Variants in TMEM231 observed in about 807,000 individuals in gnomAD.
The protein encoded by TMEM231 is transmembrane protein 231.
Under a neutral mutation model 38.5 loss-of-function variants are expected in TMEM231, and 40 were observed. That is an observed-to-expected ratio of 1.04 (90% CI 0.81 to 1.35). The LOEUF (loss-of-function observed/expected upper bound fraction) is 1.35. TMEM231 is among the 40% of genes most tolerant of loss of function. The pLI, the probability that TMEM231 is intolerant of heterozygous loss-of-function variation, is 0.00. For missense variants in TMEM231, 420 were observed against 416.9 expected, an observed-to-expected ratio of 1.01 and a Z score of -0.07; for synonymous variants, 199 against 181.7, an observed-to-expected ratio of 1.10 and a Z score of -0.77.
chr16:75,552,466 A>G (rs899444767), intron 2 of TMEM231, among the ~76,000 whole-genome samples: 1 of 152,150 alleles, frequency 6.6e-6, no homozygotes, highest in African/African-American at 2.4e-5. Flanking sequence ...ACAAACAAAC[A>G]AACAAACAAA....
rs532254815 is a variant in TMEM231, at chr16:75,538,339, C to T, written c.*1655G>A. On this transcript the variant is annotated 3_prime_UTR_variant, in exon 7 of 7. Transcript: ENST00000258173. ...ACATTTTAATTAGAAAGTTACAAAA[C>T]ATCATGGGTTCTTTATACAAGATTT... 6 of 152,256 alleles carry T rather than the reference C, an allele frequency of 3.9e-5. No homozygotes were observed. In the East Asian group the frequency reaches 1.2e-3, roughly 29 times the overall value. 9.4% of individuals were successfully genotyped at this position (152,256 alleles called of 1,614,324 possible).
intron 2 of TMEM231, among the ~76,000 whole-genome samples, chr16:75,554,597 A>G (rs1197207284): frequency 1.3e-5 from 2 of 152,008 alleles, no homozygotes; most frequent in Middle Eastern, 3.4e-3. Flanking sequence ...AAAAAAAGAA[A>G]TGTTGTCCCT....
intron 2 of TMEM231, among the ~76,000 whole-genome samples, chr16:75,551,536 T>C (rs746587093): frequency 6.6e-6 from 1 of 152,256 alleles, no homozygotes; most frequent in Admixed American, 6.5e-5. Flanking sequence ...TTATTTTATA[T>C]ACCACTGATA....
chr16:75,546,135 G>T, intron 2 of TMEM231, 181 bp from the exon 3 acceptor site: 1 of 1,527,916 alleles, frequency 6.5e-7, no homozygotes, highest in Non-Finnish European at 8.8e-7. Context: ...GACACAAAGT[G>T]CATGGTCCCT....
At chr16:75,546,491 G>T (rs975945891) in intron 2 of TMEM231, among the ~76,000 whole-genome samples, 5 of 151,654 alleles carry the variant, frequency 3.3e-5, no homozygotes, top group African/African-American at 1.2e-4. Context: ...CGCCCAGGCT[G>T]GAGTGCAGTG....
chr16:75,542,697 G>A lies in TMEM231; in HGVS notation c.583-14C>T, dbSNP rs1362407172. 6.2e-7 allele frequency: 1 copy of A among 1,613,286 alleles called. No individual in the cohort carries two copies. The highest frequency in any genetic ancestry group is 1.7e-5 in the Admixed American group (1 of 60,010). On this transcript the variant is annotated splice_polypyrimidine_tract_variant and intron_variant, in intron 4 of 6. Transcript: ENST00000258173. ...GATCACGGATATCTGGGACACGGGA[G>A]GAGGATGTGGTGTGAGCACCTGGGA... is the stretch of plus-strand genomic sequence containing the variant.
chr16:75,541,668 G>C (rs901740345), intron 5 of TMEM231: 4 of 359,102 alleles, frequency 1.1e-5, no homozygotes, highest in East Asian at 8.9e-5. Flanking sequence ...TAAAAAACTT[G>C]GAAAGAGTTT....
chr16:75,550,086 A>C (rs925916184), intron 2 of TMEM231, among the ~76,000 whole-genome samples: 1 of 152,238 alleles, frequency 6.6e-6, no homozygotes, highest in African/African-American at 2.4e-5. Flanking sequence ...ATATCCCAGC[A>C]ACACAGAGAT....
chr16:75,550,161 T>C (rs561652900), intron 2 of TMEM231, among the ~76,000 whole-genome samples: 3 of 152,278 alleles, frequency 2.0e-5, no homozygotes, highest in African/African-American at 7.2e-5. Flanking sequence ...GTGGGACTGA[T>C]AGAACTTAGA....
intron 4 of TMEM231, among the ~76,000 whole-genome samples, chr16:75,544,521 A>C (rs200988714): frequency 1.3e-5 from 2 of 152,138 alleles, no homozygotes; most frequent in Non-Finnish European, 2.9e-5. Context: ...AAGTGGCTGG[A>C]GTGCGGGGAA....
At chr16:75,548,783 C>T (rs867031967) in intron 2 of TMEM231, among the ~76,000 whole-genome samples, 2 of 152,118 alleles carry the variant, frequency 1.3e-5, no homozygotes, top group African/African-American at 4.8e-5. Context: ...GCAGGAGAAT[C>T]GCTTGAACCC....
Position 75,537,296 on chromosome 16 carries a change from A to ATT in TMEM231, c.*2697_*2698insAA, listed in dbSNP as rs2080570077. On this transcript the variant is annotated 3_prime_UTR_variant, in exon 7 of 7. Transcript: ENST00000258173. ...AGTCTACAATAAAAGTTGGAAGGAAAAAAAAAAAAGAAATAATTGCTTTAT... is the reference window on the plus strand; with the variant it reads ...AGTCTACAATAAAAGTTGGAAGGAAATTAAAAAAAAAGAAATAATTGCTTTAT... 1 of 151,604 alleles carries ATT rather than the reference A, an allele frequency of 6.6e-6. No homozygotes were observed. Among genetic ancestry groups the ATT allele is most frequent in the Non-Finnish European group, 1.5e-5 (1 of 67,928 alleles). 9.4% of individuals were successfully genotyped at this position (151,604 alleles called of 1,614,324 possible).
chr16:75,555,528 A>C (rs1177222842), intron 2 of TMEM231: 3 of 401,398 alleles, frequency 7.5e-6, no homozygotes, highest in Non-Finnish European at 1.3e-5. Context: ...GGGCAGACAC[A>C]GGCTGCCCCC....
At position 75,555,853 on chromosome 16, in the gene TMEM231, GGGAACGTGCTCCAGGCGA is replaced by G; in HGVS notation, c.242_259del (p.Leu81_Phe86del). The G allele has an allele frequency of 6.3e-7, 1 of 1,583,556 alleles. No homozygotes were observed. Among genetic ancestry groups the G allele is most frequent in the Non-Finnish European group, 8.6e-7 (1 of 1,165,228 alleles). On this transcript the variant is annotated inframe_deletion, in exon 2 of 7. Transcript: ENST00000258173. ...ATCCCCTTGCAGCCGGTTGAAGGCG[GGGAACGTGCTCCAGGCGA>G]GGAACCCGTCGCTTTCGGGTCCGAG...
chr16:75,542,548 C>G (rs147690154), intron 5 of TMEM231, 54 bp downstream of exon 5: 29 of 1,466,362 alleles, frequency 2.0e-5, no homozygotes, highest in African/African-American at 1.9e-4. Context: ...CTGTTGCCCC[C>G]ACTAACCTTG....
rs1170215457 is a variant in TMEM231, at chr16:75,537,306, G to T, written c.*2688C>A. 1 of 149,048 alleles carries T rather than the reference G, an allele frequency of 6.7e-6. No homozygotes were observed. Among genetic ancestry groups the T allele is most frequent in the East Asian group, 1.9e-4 (1 of 5,134 alleles). 9.2% of individuals were successfully genotyped at this position (149,048 alleles called of 1,614,324 possible). ...AAAAGTTGGAAGGAAAAAAAAAAAA[G>T]AAATAATTGCTTTATTAGCCTTACA... is the stretch of plus-strand genomic sequence containing the variant. On this transcript the variant is annotated 3_prime_UTR_variant, in exon 7 of 7. Coordinates refer to ENST00000258173, the MANE Select transcript of TMEM231 (RefSeq NM_001077418.3).
chr16:75,544,256 C>T (rs1469464893), intron 4 of TMEM231, among the ~76,000 whole-genome samples: 17 of 152,178 alleles, frequency 1.1e-4, no homozygotes, highest in Admixed American at 8.5e-4. Context: ...CTGAGTAGGC[C>T]AGGCGGCAGG....
intron 5 of TMEM231, 49 bp from the exon 6 acceptor site, chr16:75,541,504 C>A: frequency 8.0e-7 from 1 of 1,251,860 alleles, no homozygotes; most frequent in Non-Finnish European, 1.1e-6. Context: ...TTGACTCTGG[C>A]AGTTGAAGGC....
Position 75,546,154 on chromosome 16 carries a change from T to C in TMEM231, c.310-200A>G, listed in dbSNP as rs1597042291. On this transcript the variant is annotated intron_variant, in intron 2 of 6. Transcript: ENST00000258173. ...CAAAGTGCATGGTCCCTGAACTTCA[T>C]ATCTGGGCCTTTCAAATGTTCACTG... 5.3e-6 allele frequency: 8 copies of C among 1,500,110 alleles called. No individual in the cohort carries two copies. The East Asian group carries it at 2.1e-4, about 40-fold the overall frequency. The allele number at this position is 1,500,110 out of a possible 1,614,324, so 92.9% of individuals were successfully genotyped here.
Sources: gnomAD v4.1 joint callset for allele counts (sites outside exome capture counted in the v4.1 genomes callset) on GRCh38, gnomAD v4.1.1 for gene constraint, MANE v1.5 for transcripts, NCBI Gene and HGNC (gene_info 2026-07-23, HGNC 2026-07-21) for gene names.